The following PLCB2 variants were observed in gnomAD, a reference collection of about 807,000 sequenced individuals.
The protein encoded by PLCB2 is 1-phosphatidylinositol 4,5-bisphosphate phosphodiesterase beta-2.
Under a neutral mutation model 141.7 loss-of-function variants are expected in PLCB2, and 115 were observed. The ratio of observed to expected loss-of-function variants is 0.81; its 90% CI spans 0.70 to 0.95. The LOEUF is 0.95. Ranked by LOEUF, PLCB2 falls within the 40% of genes least tolerant of loss-of-function variation. The pLI is 0.00. For synonymous variants in PLCB2, 603 were observed against 595.6 expected, an observed-to-expected ratio of 1.01 and a Z score of -0.18; for missense variants, 1,403 against 1,541.1, an observed-to-expected ratio of 0.91 and a Z score of 1.50.
rs2040671078 is a variant in PLCB2 at position 40,304,086 on chromosome 15, G to A, written c.85-8C>T. Reference sequence around the variant, plus strand: ...AGAGGCAACTGTAGTTTCCTGCAGAGAGAAGGAGCCAGCACTCTGTTCCAA... The same window carrying A: ...AGAGGCAACTGTAGTTTCCTGCAGAAAGAAGGAGCCAGCACTCTGTTCCAA... On this transcript the variant is annotated splice_region_variant and splice_polypyrimidine_tract_variant and intron_variant, in intron 1 of 31. Transcript: ENST00000260402. 3 of 1,585,308 alleles carry A rather than the reference G, an allele frequency of 1.9e-6. No homozygotes were observed. The highest frequency in any genetic ancestry group is 2.6e-6 in the Non-Finnish European group (3 of 1,164,172).
chr15:40,298,995 T>C (rs756130082), intron 8 of PLCB2, 31 bp from the exon 9 acceptor site: 3 of 1,596,934 alleles, frequency 1.9e-6, no homozygotes, highest in African/African-American at 2.7e-5. Flanking sequence ...CACAGGTCCA[T>C]ATCCCTTGGG....
Position 40,288,264 on chromosome 15 carries a change from T to C in PLCB2, c.*451A>G. 1 of 988,400 alleles carries C rather than the reference T, an allele frequency of 1.0e-6. No homozygotes were observed. Among genetic ancestry groups the C allele is most frequent in the Non-Finnish European group, 1.2e-6 (1 of 832,044 alleles). 61.2% of individuals were successfully genotyped at this position (988,400 alleles called of 1,614,324 possible). ...GCCTCAAGGAGTGGACAAGGCCAAC[T>C]CAGGGCAGGCCTGATGGGGCCTGGA... On this transcript the variant is annotated 3_prime_UTR_variant, in exon 32 of 32. Coordinates refer to ENST00000260402, the MANE Select transcript of PLCB2 (RefSeq NM_004573.3).
rs1288211249 is a variant in PLCB2, at chr15:40,302,535, C to T, written c.306G>A (p.Val102=). Residue 102 remains valine (V), a synonymous_variant, in exon 4 of 32, where the codon GTG becomes GTA. Coordinates refer to ENST00000260402, the MANE Select transcript of PLCB2 (RefSeq NM_004573.3). ...TGAGGTCCACCATGTCCGGGCCGGA[C>T]ACCACCGTGAGTGTCTTCAGCAGGA... ...NSFLLKTLTV[V]SGPDMVDLTF... 6.2e-7 allele frequency: 1 copy of T among 1,614,070 alleles called. No individual in the cohort carries two copies. The highest frequency in any genetic ancestry group is 1.7e-5 in the Admixed American group (1 of 60,010).
downstream of PLCB2, among the ~76,000 whole-genome samples, chr15:40,284,846 A>AAG (rs1157751168): frequency 2.3e-5 from 2 of 88,204 alleles, no homozygotes; most frequent in Non-Finnish European, 6.5e-5. Flanking sequence ...CAAAAAAAAA[A>AAG]AAAAAAAAAA....
intron 20 of PLCB2, 54 bp from the exon 21 acceptor site, chr15:40,293,079 A>G: frequency 9.0e-7 from 1 of 1,111,626 alleles, no homozygotes; most frequent in African/African-American, 1.6e-5. Flanking sequence ...AGCCAAGCTG[A>G]CCCCCTCCCT....
rs751421950 is a variant in PLCB2, at chr15:40,290,672, G to C, written c.3114C>G (p.Asn1038Lys). ...ELKALKETSE[N>K]DTKEMKKKLE... The stretch of plus-strand genomic sequence containing the variant: ...GCTTTTTCTTCATCTCTTTGGTGTC[G>C]CTGCAGAGAGACAGGCATGAAGGAG... Residue 1038 changes from asparagine (N) to lysine (K), a missense_variant and splice_region_variant, in exon 29 of 32, where the codon AAC (asparagine) becomes AAG (lysine). By Grantham distance (94) the Asn-to-Lys change is moderately conservative. This residue lies in a region of PLCB2 where 290 missense variants were observed against 245.9 expected (regional missense o/e 1.18). Coordinates refer to ENST00000260402, the MANE Select transcript of PLCB2 (RefSeq NM_004573.3). The C allele has an allele frequency of 3.7e-6, 6 of 1,613,232 alleles. No individual in the cohort carries two copies. In the Middle Eastern group the frequency reaches 8.3e-4, roughly 222 times the overall value.
At chr15:40,294,195 A>T (rs1001021964) in intron 19 of PLCB2, 71 bp downstream of exon 19, 18 of 1,458,218 alleles carry the variant, frequency 1.2e-5, no homozygotes, top group Non-Finnish European at 1.7e-5. Flanking sequence ...GAGTTGAGTG[A>T]GGGGTGGGCT....
chr15:40,306,634 C>T (rs913186815), intron 1 of PLCB2, among the ~76,000 whole-genome samples: 3 of 152,144 alleles, frequency 2.0e-5, no homozygotes, highest in Non-Finnish European at 2.9e-5. Context: ...TCATGGGCAG[C>T]GAGATCCCCT....
rs752800194 is a variant in PLCB2 at position 40,290,770 on chromosome 15, G to A, written c.3104C>T (p.Thr1035Met). 6 of 1,613,642 alleles carry A rather than the reference G, an allele frequency of 3.7e-6. No homozygotes were observed. In the African/African-American group the frequency reaches 5.3e-5, roughly 14 times the overall value. Reference protein sequence around the residue: ...QAAELKALKETSENDTKEMKK... With the variant: ...QAAELKALKEMSENDTKEMKK... ...AGGGAGGCAGTCGTACTTCTCCGACGTCTCCTTCAGGGCCTTCAGCTCTGC... is the reference window on the plus strand; with the variant it reads ...AGGGAGGCAGTCGTACTTCTCCGACATCTCCTTCAGGGCCTTCAGCTCTGC... Residue 1035 changes from threonine (T) to methionine (M), a missense_variant, in exon 28 of 32, where the codon ACG becomes ATG. By Grantham distance (81) the Thr-to-Met change is moderately conservative. Around this residue, in one of 4 missense-constraint regions of PLCB2, gnomAD observed 290 missense variants for 245.9 expected, o/e 1.18. Transcript: ENST00000260402.
In PLCB2 at chr15:40,293,158, A is replaced by AGG. The variant is rs2040025600; in HGVS notation, c.2227-135_2227-134dup. The AGG allele has an allele frequency of 1.1e-5, 7 of 614,854 alleles. 1 individual carries two copies. In the East Asian group the frequency reaches 2.0e-4, roughly 17 times the overall value. The allele number at this position is 614,854 out of a possible 1,614,324, so 38.1% of individuals were successfully genotyped here. ...CACCAGATTTGGTGAGGACAGACAG[A>AGG]GGGCACACTCTAGGCCATATACAAA... On this transcript the variant is annotated intron_variant, in intron 20 of 31. Transcript: ENST00000260402.
At position 40,296,503 on chromosome 15, in the gene PLCB2, T is replaced by G. The variant is rs2141101572; in HGVS notation, c.1599+19A>C. 1 of 1,613,842 alleles carries G rather than the reference T, an allele frequency of 6.2e-7. No homozygotes were observed. The highest frequency in any genetic ancestry group is 1.1e-5 in the South Asian group (1 of 91,052). On this transcript the variant is annotated intron_variant, in intron 15 of 31. Transcript: ENST00000260402. The stretch of plus-strand genomic sequence containing the variant: ...CGGTGGAGGATGACACAGAGGGGCC[T>G]GGGGCTACCCCCACACACCTCATCC...
At chr15:40,287,263 G>A (rs958971882), downstream of PLCB2, among the ~76,000 whole-genome samples, 3 of 152,208 alleles carry the variant, frequency 2.0e-5, no homozygotes, top group African/African-American at 7.2e-5. Context: ...GAATCCCAGA[G>A]GTCAGACTCC....
At chr15:40,304,141 C>A in intron 1 of PLCB2, 63 bp from the exon 2 acceptor site, 1 of 1,159,102 alleles carries the variant, frequency 8.6e-7, no homozygotes, top group Non-Finnish European at 1.3e-6. Context: ...CTGGTCCAGG[C>A]CAGGGGTTTC....
chr15:40,289,454 T>C, intron 30 of PLCB2, 96 bp from the exon 31 acceptor site: 1 of 902,692 alleles, frequency 1.1e-6, no homozygotes, highest in African/African-American at 1.6e-5. Flanking sequence ...TGTAAGACTT[T>C]GGGCAAATTC....
chr15:40,290,511 GTA>G lies in PLCB2; in HGVS notation c.3209+64_3209+65del, dbSNP rs1299639470. ...TTGGGAAGTGAGTCAGGATCCATTT[GTA>G]GAGAGGCCCCTTTCCACCTGAAGTG... is the stretch of plus-strand genomic sequence containing the variant. On this transcript the variant is annotated intron_variant, in intron 29 of 31. Coordinates refer to ENST00000260402, the MANE Select transcript of PLCB2 (RefSeq NM_004573.3). 5 of 1,134,460 alleles carry G rather than the reference GTA, an allele frequency of 4.4e-6. No homozygotes were observed. The East Asian group carries it at 9.4e-5, about 21-fold the overall frequency. The allele number at this position is 1,134,460 out of a possible 1,614,324, so 70.3% of individuals were successfully genotyped here.
chr15:40,302,343 C>A lies in PLCB2; in HGVS notation c.379G>T (p.Ala127Ser). 1.2e-6 allele frequency: 2 copies of A among 1,613,946 alleles called. No homozygotes were observed. The highest frequency in any genetic ancestry group is 1.1e-5 in the South Asian group (1 of 91,062). Residue 127 changes from alanine to serine, a missense_variant, in exon 5 of 32, where the codon GCT (alanine) becomes TCT (serine). Around this residue, in one of 4 missense-constraint regions of PLCB2, gnomAD observed 975 missense variants for 1,141.1 expected, o/e 0.85. Coordinates refer to ENST00000260402, the MANE Select transcript of PLCB2 (RefSeq NM_004573.3). ...TTGACTAGGGCCAGTACGTCCTCAGCCCAGGCCTGCAGGACCACAGAGAGC... is the reference window on the plus strand; with the variant it reads ...TTGACTAGGGCCAGTACGTCCTCAGACCAGGCCTGCAGGACCACAGAGAGC... Reference protein sequence around the residue: ...SYKENVGKAWAEDVLALVKHP... With the variant: ...SYKENVGKAWSEDVLALVKHP...
chr15:40,294,239 G>C, intron 19 of PLCB2, 27 bp downstream of exon 19: 1 of 1,611,398 alleles, frequency 6.2e-7, no homozygotes, highest in Non-Finnish European at 8.5e-7. Flanking sequence ...TCAGCCTCCC[G>C]GCCACTTGTG....
rs746965732 is a variant in PLCB2, at chr15:40,298,684, A to G, written c.875T>C (p.Val292Ala). ...GTTCTCTGGCCCACAGAGAAACCAG[A>G]CCATGCCTTCAGGTGACAGCTGGCC... is the stretch of plus-strand genomic sequence containing the variant. ...QRGQLSPEGMVWFLCGPENSV... is the reference protein window; with the variant it reads ...QRGQLSPEGMAWFLCGPENSV... The change falls in exon 10 of 32, where the codon GTC (valine) becomes GCC (alanine). Residue 292 changes from valine to alanine, a missense_variant. Val to Ala is a moderately conservative substitution (Grantham distance 64). Transcript: ENST00000260402. 3.7e-6 allele frequency: 6 copies of G among 1,614,192 alleles called. No individual in the cohort carries two copies. The East Asian group carries it at 1.1e-4, about 30-fold the overall frequency.
chr15:40,285,278 C>T (rs2039594949), downstream of PLCB2, among the ~76,000 whole-genome samples: 1 of 152,188 alleles, frequency 6.6e-6, no homozygotes, highest in Admixed American at 6.5e-5. Flanking sequence ...AGGGATCTGC[C>T]AATTTTCTTT....
Sources: allele counts gnomAD v4.1 joint callset (sites outside exome capture counted in the v4.1 genomes callset), GRCh38; gene constraint gnomAD v4.1.1; regional missense constraint gnomAD v4.1.1; transcripts MANE v1.5; gene names NCBI Gene and HGNC (gene_info 2026-07-23, HGNC 2026-07-21).